Variants in COL23A1 observed in about 807,000 individuals in gnomAD.
COL23A1 encodes the protein collagen alpha-1(XXIII) chain.
In COL23A1, 97 loss-of-function variants were observed where a neutral mutation model predicts 99.3. The ratio of observed to expected loss-of-function variants is 0.98; its 90% CI spans 0.83 to 1.16. The LOEUF is 1.16. Ranked by LOEUF, COL23A1 falls within the 50% of genes most tolerant of loss-of-function variation. The pLI is 0.00. For missense variants in COL23A1, 762 were observed against 757.4 expected (o/e 1.01, Z -0.07); for synonymous variants, 320 against 308.2 (o/e 1.04, Z -0.40).
chr5:178,529,101 ATC>A (rs1360754809), intron 2 of COL23A1, among the ~76,000 whole-genome samples: 1 of 152,162 alleles, frequency 6.6e-6, no homozygotes, highest in African/African-American at 2.4e-5. Flanking sequence ...TTAGGGAGTT[ATC>A]TAAGATGTCT....
At chr5:178,450,035 T>C (rs1767396680) in intron 2 of COL23A1, among the ~76,000 whole-genome samples, 1 of 152,080 alleles carries the variant, frequency 6.6e-6, no homozygotes, top group South Asian at 2.1e-4. Flanking sequence ...CTGTTTACTA[T>C]GAAATGGCAG....
At chr5:178,294,006 T>C (rs113614852) in intron 3 of COL23A1, among the ~76,000 whole-genome samples, 84 of 152,060 alleles carry the variant, frequency 5.5e-4, no homozygotes, top group African/African-American at 1.9e-3. Context: ...AGAGGGCTGG[T>C]GACCCAGGGG....
At chr5:178,462,425 T>C (rs1756170581) in intron 2 of COL23A1, among the ~76,000 whole-genome samples, 1 of 152,224 alleles carries the variant, frequency 6.6e-6, no homozygotes, top group South Asian at 2.1e-4. Context: ...TGCATTTAAC[T>C]TACTTCAGTC....
At position 178,238,572 on chromosome 5, in the gene COL23A1, C is replaced by T. The variant is rs1204591838; in HGVS notation, c.*126G>A. On this transcript the variant is annotated 3_prime_UTR_variant, in exon 29 of 29. Coordinates refer to ENST00000390654, the MANE Select transcript of COL23A1 (RefSeq NM_173465.4). ...GTGGCTTTGGGGCTGGGTGGGCATA[C>T]TCTTGAATGTTAAAAGGCCACAGGT... The T allele has an allele frequency of 5.3e-6, 7 of 1,318,322 alleles. No homozygotes were observed. Among genetic ancestry groups the T allele is most frequent in the East Asian group, 2.4e-5 (1 of 42,510 alleles). The allele number at this position is 1,318,322 out of a possible 1,614,324, so 81.7% of individuals were successfully genotyped here.
At chr5:178,351,500 T>C (rs1231580356) in intron 2 of COL23A1, among the ~76,000 whole-genome samples, 2 of 151,996 alleles carry the variant, frequency 1.3e-5, no homozygotes, top group African/African-American at 4.8e-5. Context: ...CCAGGGCTGG[T>C]GAGCTGCCAC....
At chr5:178,352,448 C>G (rs1386994781) in intron 2 of COL23A1, among the ~76,000 whole-genome samples, 1 of 152,194 alleles carries the variant, frequency 6.6e-6, no homozygotes, top group Non-Finnish European at 1.5e-5. Context: ...AGACAAACCC[C>G]CACGACCTTA....
At chr5:178,427,753 G>C (rs987332913) in intron 2 of COL23A1, among the ~76,000 whole-genome samples, 1 of 152,228 alleles carries the variant, frequency 6.6e-6, no homozygotes, top group African/African-American at 2.4e-5. Flanking sequence ...TTCTGGGAAA[G>C]GCAAAACTAT....
chr5:178,523,263 G>C (rs1330452503), intron 2 of COL23A1, among the ~76,000 whole-genome samples: 3 of 142,440 alleles, frequency 2.1e-5, no homozygotes, highest in Non-Finnish European at 3.0e-5. Flanking sequence ...GAGACAGAGA[G>C]AGAGAGAGAG....
intron 2 of COL23A1, among the ~76,000 whole-genome samples, chr5:178,349,518 C>A (rs1761189132): frequency 4.9e-5 from 2 of 40,448 alleles, no homozygotes; most frequent in African/African-American, 1.3e-4. Context: ...TGCCCCACAC[C>A]TGGCCCTCCC....
intron 2 of COL23A1, among the ~76,000 whole-genome samples, chr5:178,523,349 C>T (rs1389339930): frequency 2.1e-5 from 3 of 140,740 alleles, no homozygotes; most frequent in African/African-American, 7.9e-5. Flanking sequence ...ATCGCTTGAA[C>T]CTGGGAGGAG....
intron 19 of COL23A1, 71 bp downstream of exon 19, chr5:178,249,046 A>G: frequency 6.7e-7 from 1 of 1,497,376 alleles, no homozygotes; most frequent in South Asian, 1.1e-5. Context: ...TCCCCACAGC[A>G]CGGGGGGCAC....
intron 2 of COL23A1, among the ~76,000 whole-genome samples, chr5:178,326,258 G>A (rs1474010366): frequency 2.0e-5 from 3 of 152,138 alleles, no homozygotes; most frequent in African/African-American, 7.2e-5. Context: ...TGTCTCCTAC[G>A]CACTTTAGCA....
intron 2 of COL23A1, among the ~76,000 whole-genome samples, chr5:178,446,239 T>C (rs538531400): frequency 6.6e-6 from 1 of 152,120 alleles, no homozygotes; most frequent in South Asian, 2.1e-4. Context: ...TCTAAATTTG[T>C]ACAAATGGGG....
At chr5:178,482,039 G>A (rs1438703067) in intron 2 of COL23A1, among the ~76,000 whole-genome samples, 3 of 146,132 alleles carry the variant, frequency 2.1e-5, no homozygotes, top group Non-Finnish European at 4.5e-5. Flanking sequence ...AAAAAAAGGC[G>A]CAGCTGCTGT....
chr5:178,584,816 C>A (rs756760917), intron 1 of COL23A1, among the ~76,000 whole-genome samples: 1 of 152,218 alleles, frequency 6.6e-6, no homozygotes, highest in Non-Finnish European at 1.5e-5. Context: ...GGTAGACTGA[C>A]TACCTTGGTC....
At chr5:178,470,363 G>T (rs1031981357) in intron 2 of COL23A1, among the ~76,000 whole-genome samples, 4 of 152,172 alleles carry the variant, frequency 2.6e-5, no homozygotes, top group Admixed American at 2.6e-4. Flanking sequence ...GTGCCCATAA[G>T]CCGAGCAGAC....
chr5:178,324,759 G>A (rs1243323113), intron 2 of COL23A1, among the ~76,000 whole-genome samples: 1 of 152,198 alleles, frequency 6.6e-6, no homozygotes, highest in East Asian at 1.9e-4. Context: ...ACGGAAATGG[G>A]TCGAATGGCC....
chr5:178,274,396 T>C (rs1299330319), intron 5 of COL23A1, among the ~76,000 whole-genome samples: 1 of 152,052 alleles, frequency 6.6e-6, no homozygotes, highest in Non-Finnish European at 1.5e-5. Context: ...AGCCAAGGAA[T>C]GCATGGGGTG....
chr5:178,277,036 C>T (rs1660055896), intron 5 of COL23A1, among the ~76,000 whole-genome samples: 1 of 152,190 alleles, frequency 6.6e-6, no homozygotes, highest in Admixed American at 6.5e-5. Context: ...TGGGCAATGT[C>T]TTTCTGGGAG....
Sources: gnomAD v4.1 joint callset for allele counts (sites outside exome capture counted in the v4.1 genomes callset) on GRCh38, gnomAD v4.1.1 for gene constraint, MANE v1.5 for transcripts, NCBI Gene and HGNC (gene_info 2026-07-23, HGNC 2026-07-21) for gene names.